KYNU: variants seen among roughly 807,000 people sequenced by gnomAD.
The protein encoded by KYNU is kynureninase.
In KYNU, 54 loss-of-function variants were observed where a neutral mutation model predicts 59.2. That is an observed-to-expected ratio of 0.91 (90% CI 0.73 to 1.14). The LOEUF (loss-of-function observed/expected upper bound fraction) is 1.14. Ranked by LOEUF, KYNU falls within the 50% of genes most tolerant of loss-of-function variation. The pLI is 0.00. For synonymous variants in KYNU, 177 were observed against 192.0 expected (o/e 0.92, Z 0.65); for missense variants, 567 against 554.4 (o/e 1.02, Z -0.23).
intron 10 of KYNU, among the ~76,000 whole-genome samples, chr2:143,020,790 T>C (rs528749487): frequency 6.6e-6 from 1 of 152,340 alleles, no homozygotes; most frequent in Admixed American, 6.5e-5. Flanking sequence ...TCAAATACTT[T>C]TGGAGATTAA....
intron 10 of KYNU, among the ~76,000 whole-genome samples, chr2:143,015,338 T>TG (rs1230025649): frequency 6.6e-6 from 1 of 152,060 alleles, no homozygotes; most frequent in Non-Finnish European, 1.5e-5. Context: ...AAAGAGGGTG[T>TG]GGGGAAACCA....
chr2:143,027,503 T>C (rs1028307541), intron 10 of KYNU, among the ~76,000 whole-genome samples: 1 of 152,178 alleles, frequency 6.6e-6, no homozygotes, highest in Non-Finnish European at 1.5e-5. Context: ...CACAGACATT[T>C]CTCCTTTATA....
chr2:142,957,774 A>G (rs1232475684), intron 7 of KYNU, 59 bp downstream of exon 7: 2 of 1,089,190 alleles, frequency 1.8e-6, no homozygotes, highest in African/African-American at 3.1e-5. Flanking sequence ...TTTTTTCTTC[A>G]TTTTCCTCAA....
At chr2:142,881,236 T>C (rs1352030222) in intron 1 of KYNU, 4 of 152,226 alleles carry the variant, frequency 2.6e-5, no homozygotes, top group Non-Finnish European at 4.4e-5. Context: ...CATCCATCAA[T>C]GTTGAAATCC....
At chr2:142,884,269 G>A (rs767995340) in intron 1 of KYNU, among the ~76,000 whole-genome samples, 1 of 152,140 alleles carries the variant, frequency 6.6e-6, no homozygotes, top group Non-Finnish European at 1.5e-5. Context: ...GAATCTCTTT[G>A]GTATTCATAT....
intron 10 of KYNU, among the ~76,000 whole-genome samples, chr2:142,987,086 G>A (rs1343116153): frequency 6.6e-6 from 1 of 151,794 alleles, no homozygotes; most frequent in Non-Finnish European, 1.5e-5. Flanking sequence ...ATCATTATCA[G>A]TACATTAGAT....
intron 10 of KYNU, among the ~76,000 whole-genome samples, chr2:143,023,934 T>G (rs1686477744): frequency 6.6e-6 from 1 of 151,662 alleles, no homozygotes. Context: ...TATCAATAGG[T>G]TTAATTCACA....
At chr2:142,964,914 A>G (rs750345275) in intron 8 of KYNU, among the ~76,000 whole-genome samples, 6 of 152,176 alleles carry the variant, frequency 3.9e-5, no homozygotes, top group Non-Finnish European at 8.8e-5. Context: ...TGCTTCTTCA[A>G]GATGAAGATG....
intron 4 of KYNU, among the ~76,000 whole-genome samples, chr2:142,939,147 C>CAAACA (rs147246587): frequency 6.6e-6 from 1 of 151,474 alleles, no homozygotes; most frequent in Non-Finnish European, 1.5e-5. Context: ...GACCCTGTCT[C>CAAACA]AAACAAAACA....
In KYNU at chr2:143,045,815, A is replaced by G. The variant is rs1290844585; in HGVS notation, c.*3643A>G. Reference sequence around the variant, plus strand: ...ATGCCTGACCAGGAATTGTTTTTCAACTTCATAGTGGTAAACAAAACATAT... The same window carrying G: ...ATGCCTGACCAGGAATTGTTTTTCAGCTTCATAGTGGTAAACAAAACATAT... On this transcript the variant is annotated 3_prime_UTR_variant, in exon 14 of 14. Coordinates refer to ENST00000264170, the MANE Select transcript of KYNU (RefSeq NM_003937.3). 2 of 152,078 alleles carry G rather than the reference A, an allele frequency of 1.3e-5. No individual in the cohort carries two copies. Among genetic ancestry groups the G allele is most frequent in the African/African-American group, 4.8e-5 (2 of 41,422 alleles). 9.4% of individuals were successfully genotyped at this position (152,078 alleles called of 1,614,324 possible).
intron 2 of KYNU, among the ~76,000 whole-genome samples, chr2:142,887,138 C>G (rs1681543845): frequency 6.6e-6 from 1 of 151,002 alleles, no homozygotes; most frequent in African/African-American, 2.4e-5. Flanking sequence ...CCACTGCACT[C>G]CAGCTTGGGC....
chr2:142,878,258 T>G (rs921565573), intron 1 of KYNU, among the ~76,000 whole-genome samples: 2 of 152,168 alleles, frequency 1.3e-5, no homozygotes, highest in African/African-American at 4.8e-5. Context: ...TTTTTAAAAA[T>G]ATACTAGATT....
chr2:142,916,953 G>A (rs538330183), intron 2 of KYNU, among the ~76,000 whole-genome samples: 1 of 152,296 alleles, frequency 6.6e-6, no homozygotes, highest in East Asian at 1.9e-4. Flanking sequence ...AGAAAACCAA[G>A]AGGACCATTG....
At position 142,954,309 on chromosome 2, in the gene KYNU, G is replaced by A. The variant is rs116465078; in HGVS notation, c.374-501G>A. Among the ~76,000 whole-genome samples, 693 of 152,054 alleles carry A rather than the reference G, an allele frequency of 4.6e-3. 10 individuals carry two copies. The highest frequency in any genetic ancestry group is 0.016 in the African/African-American group (662 of 41,504). Reference sequence around the variant, plus strand: ...CTATTTGGGTCATAATTTGCTATGCGGCTGTTTTGTCTTGTTATATATTTC... The same window carrying A: ...CTATTTGGGTCATAATTTGCTATGCAGCTGTTTTGTCTTGTTATATATTTC... On this transcript the variant is annotated intron_variant, in intron 4 of 13. Transcript: ENST00000264170.
intron 2 of KYNU, among the ~76,000 whole-genome samples, chr2:142,896,775 T>C (rs1485752452): frequency 6.6e-6 from 1 of 152,192 alleles, no homozygotes; most frequent in African/African-American, 2.4e-5. Context: ...GCGTGAGTCA[T>C]GTTTTCAGTT....
chr2:143,026,518 G>C (rs1686567268), intron 10 of KYNU, among the ~76,000 whole-genome samples: 1 of 152,192 alleles, frequency 6.6e-6, no homozygotes, highest in African/African-American at 2.4e-5. Flanking sequence ...GGAATCGGCT[G>C]GCCACTTGGC....
intron 4 of KYNU, among the ~76,000 whole-genome samples, chr2:142,943,988 A>C (rs1308442334): frequency 6.6e-6 from 1 of 152,224 alleles, no homozygotes; most frequent in African/African-American, 2.4e-5. Flanking sequence ...GGGCCTTGTC[A>C]TCCCCACTTT....
At chr2:142,981,270 A>AT (rs1685044424) in intron 8 of KYNU, among the ~76,000 whole-genome samples, 1 of 152,048 alleles carries the variant, frequency 6.6e-6, no homozygotes, top group African/African-American at 2.4e-5. Context: ...TGCTTTTTCT[A>AT]TTTCTTGAGT....
chr2:142,929,112 A>G (rs1228594854), intron 4 of KYNU, among the ~76,000 whole-genome samples: 2 of 151,784 alleles, frequency 1.3e-5, no homozygotes, highest in African/African-American at 4.8e-5. Context: ...ATGTACATAC[A>G]TAAGTAAAAT....
Sources: gnomAD v4.1 joint callset for allele counts (sites outside exome capture counted in the v4.1 genomes callset) on GRCh38, gnomAD v4.1.1 for gene constraint, MANE v1.5 for transcripts, NCBI Gene and HGNC (gene_info 2026-07-23, HGNC 2026-07-21) for gene names.